The following COL4A4 variants were observed in gnomAD, a reference collection of about 807,000 sequenced individuals.
COL4A4 encodes the protein collagen alpha-4(IV) chain.
In COL4A4, 105 loss-of-function variants were observed where a neutral mutation model predicts 192.9. The observed-to-expected ratio is 0.54, with a 90% CI of 0.46 to 0.64. The LOEUF is 0.64. COL4A4 is among the 30% of genes least tolerant of loss of function. The pLI is 0.00. For synonymous variants in COL4A4, 762 were observed against 769.9 expected (o/e 0.99, Z 0.17); for missense variants, 1,967 against 2,169.3 (o/e 0.91, Z 1.85).
At chr2:227,042,958 C>T (rs2150101846) in intron 36 of COL4A4, 119 bp downstream of exon 36, 4 of 774,452 alleles carry the variant, frequency 5.2e-6, no homozygotes, top group South Asian at 4.6e-5. Context: ...TCCAAAGTCA[C>T]AGGTCTGGGA....
the COL4A4 span, chr2:226,988,512 G>A: frequency 2.8e-5 from 43 of 1,519,158 alleles, no homozygotes; most frequent in Non-Finnish European, 3.7e-5. Flanking sequence ...CTTGCGAGGT[G>A]GATAGCAGCT....
chr2:227,121,741 G>A (rs1452647789), intron 4 of COL4A4, among the ~76,000 whole-genome samples: 2 of 152,106 alleles, frequency 1.3e-5, no homozygotes, highest in Non-Finnish European at 2.9e-5. Flanking sequence ...ATGTGTATAT[G>A]TATGTATGTG....
Position 227,042,247 on chromosome 2 carries a change from C to T in COL4A4, c.3406G>A (p.Gly1136Arg), listed in dbSNP as rs749015646. 1 of 1,608,960 alleles carries T rather than the reference C, an allele frequency of 6.2e-7. No homozygotes were observed. Among genetic ancestry groups the T allele is most frequent in the Non-Finnish European group, 8.5e-7 (1 of 1,175,368 alleles). ...SGPPGCPGDH[G>R]MPGLRGQPGE... ...GGCTGTCCCCTCAGCCCAGGCATCC[C>T]GTGATCACCTGAGGATGACAGGGAA... The change falls in exon 37 of 48, where the codon GGG (glycine) becomes AGG (arginine). Residue 1136 changes from glycine to arginine, a missense_variant. Coordinates refer to ENST00000396625, the MANE Select transcript of COL4A4 (RefSeq NM_000092.5).
At chr2:226,971,324 A>G in the COL4A4 span, among the ~76,000 whole-genome samples, 2 of 152,222 alleles carry the variant, frequency 1.3e-5, no homozygotes, top group Non-Finnish European at 2.9e-5. Flanking sequence ...GTGAAGTACA[A>G]GTAAGTGGCA....
chr2:227,150,622 C>T (rs1457910316), intron 1 of COL4A4, among the ~76,000 whole-genome samples: 1 of 152,154 alleles, frequency 6.6e-6, no homozygotes, highest in African/African-American at 2.4e-5. Flanking sequence ...AATTGATTTG[C>T]ATTTCCGCAT....
intron 1 of COL4A4, among the ~76,000 whole-genome samples, chr2:227,163,249 C>T (rs1443468765): frequency 6.6e-6 from 1 of 152,210 alleles, no homozygotes; most frequent in Non-Finnish European, 1.5e-5. Context: ...GTAGTATTGG[C>T]AGTTCTTGAT....
intron 20 of COL4A4, among the ~76,000 whole-genome samples, chr2:227,092,767 G>C (rs4389330): frequency 0.69 from 104,682 of 152,054 alleles, 37,066 homozygotes; most frequent in African/African-American, 0.85. Context: ...ATTTATGGAA[G>C]CAAAATTATG....
At chr2:227,108,432 CATA>C (rs2150867891) in intron 12 of COL4A4, 146 bp downstream of exon 12, 1 of 761,488 alleles carries the variant, frequency 1.3e-6, no homozygotes, top group African/African-American at 1.7e-5. Context: ...GTAATGGTGC[CATA>C]ATAATTCGGC....
intron 25 of COL4A4, among the ~76,000 whole-genome samples, chr2:227,071,829 T>C (rs1366707503): frequency 1.3e-5 from 2 of 152,116 alleles, no homozygotes; most frequent in Non-Finnish European, 2.9e-5. Flanking sequence ...AGGATGGACA[T>C]TTAAAAATTA....
intron 37 of COL4A4, among the ~76,000 whole-genome samples, chr2:227,041,896 AAGAAAG>A (rs1271588995): frequency 4.0e-5 from 6 of 150,094 alleles, no homozygotes; most frequent in Admixed American, 2.0e-4. Flanking sequence ...GAAAGAAAGA[AAGAAAG>A]AAAGAAAGAA....
chr2:227,035,632 C>T (rs1034174668), intron 37 of COL4A4, among the ~76,000 whole-genome samples: 5 of 152,072 alleles, frequency 3.3e-5, no homozygotes, highest in African/African-American at 1.2e-4. Context: ...ATCCTCTTTC[C>T]TATTTTATGA....
In COL4A4 at chr2:227,089,901, G is replaced by T. The variant is rs780544830; in HGVS notation, c.1426C>A (p.Pro476Thr). Residue 476 changes from proline (P) to threonine (T), a missense_variant, in exon 21 of 48, where the codon CCC becomes ACC. Coordinates refer to ENST00000396625, the MANE Select transcript of COL4A4 (RefSeq NM_000092.5). ...GPQGIKGKVG[P>T]PGGRGPKGEK... is the part of the protein sequence containing the mutation. The stretch of plus-strand genomic sequence containing the variant: ...CCTTTTGGGCCTCTTCCTCCTGGGG[G>T]ACCAACTTTGCCTTTTATTCCTTGT... 3 of 1,613,542 alleles carry T rather than the reference G, an allele frequency of 1.9e-6. No individual in the cohort carries two copies. The highest frequency in any genetic ancestry group is 2.2e-5 in the South Asian group (2 of 91,050).
intron 44 of COL4A4, among the ~76,000 whole-genome samples, chr2:227,020,875 T>TC (rs151021186): frequency 0.45 from 64,726 of 142,996 alleles, 14,986 homozygotes; most frequent in South Asian, 0.54. Context: ...GGAGAACACT[T>TC]TTTTCTTTTT....
intron 4 of COL4A4, among the ~76,000 whole-genome samples, chr2:227,124,553 A>G (rs568850228): frequency 6.6e-6 from 1 of 152,344 alleles, no homozygotes; most frequent in South Asian, 2.1e-4. Flanking sequence ...TTGAGTATCC[A>G]TATAAATGCT....
intron 24 of COL4A4, among the ~76,000 whole-genome samples, chr2:227,080,137 A>G (rs1331467391): frequency 6.6e-6 from 1 of 152,142 alleles, no homozygotes; most frequent in African/African-American, 2.4e-5. Flanking sequence ...TACACCTAAA[A>G]TCAGTGGGGC....
At chr2:227,121,445 G>A (rs1576665527) in intron 4 of COL4A4, among the ~76,000 whole-genome samples, 1 of 151,636 alleles carries the variant, frequency 6.6e-6, no homozygotes, top group Admixed American at 6.6e-5. Context: ...TGGGCCTGTA[G>A]TCCCAGCTAT....
intron 3 of COL4A4, 96 bp downstream of exon 3, chr2:227,144,420 A>G: frequency 9.8e-7 from 1 of 1,021,812 alleles, no homozygotes; most frequent in Non-Finnish European, 1.5e-6. Context: ...AAGAAAATTG[A>G]GTCCCAGAGG....
chr2:227,010,350 G>A lies in COL4A4; in HGVS notation c.4485C>T (p.Tyr1495=), dbSNP rs1553613757. Residue 1495 remains tyrosine (Y), a synonymous_variant, in exon 46 of 48, where the codon TAC becomes TAT. Transcript: ENST00000396625. ...PRLWTGYSLL[Y]LEGQEKAHNQ... The stretch of plus-strand genomic sequence containing the variant: ...TGTGAGCTTTCTCTTGCCCTTCCAG[G>A]TATAACAGACTATACCCAGTCCAGA... 2 of 1,614,186 alleles carry A rather than the reference G, an allele frequency of 1.2e-6. No homozygotes were observed. Among genetic ancestry groups the A allele is most frequent in the Non-Finnish European group, 1.7e-6 (2 of 1,180,032 alleles).
At chr2:227,094,040 A>G in intron 20 of COL4A4, 85 bp downstream of exon 20, 1 of 1,320,042 alleles carries the variant, frequency 7.6e-7, no homozygotes, top group Non-Finnish European at 1.1e-6. Flanking sequence ...CTTTTAAAAT[A>G]TTTTAAAAAC....
Sources: gnomAD v4.1 joint callset for allele counts (sites outside exome capture counted in the v4.1 genomes callset) on GRCh38, gnomAD v4.1.1 for gene constraint, MANE v1.5 for transcripts, NCBI Gene and HGNC (gene_info 2026-07-23, HGNC 2026-07-21) for gene names.